BCHE: variants seen among roughly 807,000 people sequenced by gnomAD.
The protein encoded by BCHE is cholinesterase.
A neutral mutation model predicts 51.3 loss-of-function variants in BCHE; 48 were observed. The ratio of observed to expected loss-of-function variants is 0.94; its 90% CI spans 0.74 to 1.19. The LOEUF is 1.19. BCHE is among the 50% of genes most tolerant of loss of function. The pLI is 0.00. For synonymous variants in BCHE, 251 were observed against 238.0 expected, an observed-to-expected ratio of 1.05 and a Z score of -0.50; for missense variants, 847 against 708.2, an observed-to-expected ratio of 1.20 and a Z score of -2.23.
At chr3:165,792,676 C>A (rs1034104315) in intron 2 of BCHE, among the ~76,000 whole-genome samples, 4 of 152,062 alleles carry the variant, frequency 2.6e-5, no homozygotes, top group African/African-American at 9.7e-5. Context: ...AATCTCAAAT[C>A]GATTACTAAG....
intron 2 of BCHE, among the ~76,000 whole-genome samples, chr3:165,816,592 C>T (rs143460609): frequency 1.9e-3 from 284 of 152,182 alleles, no homozygotes; most frequent in African/African-American, 6.7e-3. Flanking sequence ...CAAAACACCA[C>T]ATCTTTGCTA....
intron 2 of BCHE, among the ~76,000 whole-genome samples, chr3:165,808,490 G>T (rs1356623898): frequency 6.6e-6 from 1 of 151,714 alleles, no homozygotes; most frequent in East Asian, 1.9e-4. Flanking sequence ...TGTTTAATTT[G>T]TAATACTTTA....
rs558770263 is a variant in BCHE, at chr3:165,774,105, GT to G, written c.1685-600del. On this transcript the variant is annotated intron_variant, in intron 3 of 3. Transcript: ENST00000264381. ...AATATAATGAAAGTGCTGTGTAAATGTTTATTATATTATATTGTTTAAGGAA... is the reference window on the plus strand; with the variant it reads ...AATATAATGAAAGTGCTGTGTAAATGTTATTATATTATATTGTTTAAGGAA... 1.7e-3 allele frequency among the ~76,000 whole-genome samples: 254 copies of G among 151,916 alleles called. 1 individual carries two copies. The highest frequency in any genetic ancestry group is 5.8e-3 in the African/African-American group (242 of 41,434).
At chr3:165,801,628 A>G (rs555465426) in intron 2 of BCHE, among the ~76,000 whole-genome samples, 65 of 152,350 alleles carry the variant, frequency 4.3e-4, no homozygotes, top group Non-Finnish European at 7.5e-4. Context: ...TACACTGAGC[A>G]TGGTAACTTT....
intron 2 of BCHE, among the ~76,000 whole-genome samples, chr3:165,810,321 C>A (rs942907518): frequency 6.6e-6 from 1 of 152,096 alleles, no homozygotes; most frequent in South Asian, 2.1e-4. Flanking sequence ...TCCATATTAT[C>A]CCTCCTAGGA....
At chr3:165,775,438 T>G (rs1712433388) in intron 3 of BCHE, among the ~76,000 whole-genome samples, 1 of 151,752 alleles carries the variant, frequency 6.6e-6, no homozygotes, top group South Asian at 2.1e-4. Flanking sequence ...ATGTTAAATA[T>G]CATACCAAAT....
At chr3:165,801,025 G>C (rs149184004) in intron 2 of BCHE, among the ~76,000 whole-genome samples, 1 of 152,292 alleles carries the variant, frequency 6.6e-6, no homozygotes, top group African/African-American at 2.4e-5. Flanking sequence ...CAGCTGAACT[G>C]AAGAAGGGTA....
chr3:165,799,663 C>T (rs996144153), intron 2 of BCHE, among the ~76,000 whole-genome samples: 5 of 151,940 alleles, frequency 3.3e-5, no homozygotes, highest in African/African-American at 9.7e-5. Context: ...TATACAGACT[C>T]GAGCCTAAAT....
At chr3:165,778,663 G>C in intron 3 of BCHE, 1 of 452,682 alleles carries the variant, frequency 2.2e-6, no homozygotes, top group Non-Finnish European at 4.5e-6. Flanking sequence ...CTGTGAGTAA[G>C]CAGACCCTGT....
At chr3:165,827,760 A>G (rs1714781753) in intron 2 of BCHE, among the ~76,000 whole-genome samples, 1 of 152,132 alleles carries the variant, frequency 6.6e-6, no homozygotes, top group Non-Finnish European at 1.5e-5. Flanking sequence ...GGGAGAGAGC[A>G]GAATGAGATA....
intron 2 of BCHE, among the ~76,000 whole-genome samples, chr3:165,801,406 G>A (rs1358207197): frequency 1.3e-5 from 2 of 152,154 alleles, no homozygotes; most frequent in African/African-American, 4.8e-5. Context: ...GAATGCTGAA[G>A]AATCAGAAGC....
At chr3:165,834,046 T>A (rs1047670773) in intron 1 of BCHE, among the ~76,000 whole-genome samples, 2 of 152,116 alleles carry the variant, frequency 1.3e-5, no homozygotes, top group African/African-American at 4.8e-5. Context: ...TTTTGGTCTC[T>A]GATAGTTTTC....
At chr3:165,826,506 A>G (rs1364203811) in intron 2 of BCHE, among the ~76,000 whole-genome samples, 1 of 152,110 alleles carries the variant, frequency 6.6e-6, no homozygotes, top group Non-Finnish European at 1.5e-5. Context: ...GGCTGTTTGC[A>G]AAGAGGTGGG....
intron 2 of BCHE, among the ~76,000 whole-genome samples, chr3:165,828,844 A>G (rs1714834313): frequency 6.6e-6 from 1 of 152,098 alleles, no homozygotes; most frequent in Non-Finnish European, 1.5e-5. Flanking sequence ...CTTATAATAT[A>G]TGGGGGAAAT....
At chr3:165,819,923 A>C (rs571911319) in intron 2 of BCHE, among the ~76,000 whole-genome samples, 2 of 152,262 alleles carry the variant, frequency 1.3e-5, no homozygotes, top group East Asian at 3.9e-4. Flanking sequence ...TATTACTTTG[A>C]TTTCTAAAAA....
chr3:165,810,221 A>C (rs1371123410), intron 2 of BCHE, among the ~76,000 whole-genome samples: 1 of 152,190 alleles, frequency 6.6e-6, no homozygotes, highest in Non-Finnish European at 1.5e-5. Flanking sequence ...ATCTTCAGTT[A>C]CACCCAGTGT....
intron 2 of BCHE, among the ~76,000 whole-genome samples, chr3:165,824,054 G>A (rs1303195762): frequency 6.6e-6 from 1 of 151,726 alleles, no homozygotes; most frequent in Non-Finnish European, 1.5e-5. Context: ...TGGGATTACA[G>A]GCATGAACCA....
intron 3 of BCHE, among the ~76,000 whole-genome samples, chr3:165,776,683 G>A (rs1182690695): frequency 6.6e-6 from 1 of 151,596 alleles, no homozygotes; most frequent in East Asian, 1.9e-4. Flanking sequence ...CTTCTTTATA[G>A]TGGTAACATT....
chr3:165,809,174 C>G (rs966846729), intron 2 of BCHE, among the ~76,000 whole-genome samples: 1 of 151,960 alleles, frequency 6.6e-6, no homozygotes, highest in South Asian at 2.1e-4. Context: ...AAGAAAAAAA[C>G]CGTTATGGAC....
Sources: gnomAD v4.1 joint callset for allele counts (sites outside exome capture counted in the v4.1 genomes callset) on GRCh38, gnomAD v4.1.1 for gene constraint, MANE v1.5 for transcripts, NCBI Gene and HGNC (gene_info 2026-07-23, HGNC 2026-07-21) for gene names.